Variants in SERPINI1 observed in about 807,000 individuals in gnomAD.
The protein encoded by SERPINI1 is neuroserpin.
In SERPINI1, 19 loss-of-function variants were observed where a neutral mutation model predicts 41.1. The ratio of observed to expected loss-of-function variants is 0.46; its 90% CI spans 0.32 to 0.68. The LOEUF is 0.68. SERPINI1 is among the 30% of genes least tolerant of loss of function. SERPINI1 has a pLI of 0.03. For missense variants in SERPINI1, 460 were observed against 479.2 expected (o/e 0.96, Z 0.37); for synonymous variants, 138 against 156.6 (o/e 0.88, Z 0.89).
At position 167,792,571 on chromosome 3, in the gene SERPINI1, T is replaced by A; in HGVS notation, c.482-19T>A. The A allele has an allele frequency of 6.2e-7, 1 of 1,607,870 alleles. No homozygotes were observed. The highest frequency in any genetic ancestry group is 8.5e-7 in the Non-Finnish European group (1 of 1,175,098). ...CCAGTTTAACATGAATTTTTATCTA[T>A]TCATTTTTTCCTAAATAGATCTGGT... On this transcript the variant is annotated intron_variant, in intron 3 of 8. Transcript: ENST00000446050.
Position 167,789,123 on chromosome 3 carries a change from T to C in SERPINI1, c.-6T>C, listed in dbSNP as rs1182358073. 2 of 1,613,688 alleles carry C rather than the reference T, an allele frequency of 1.2e-6. No individual in the cohort carries two copies. Among genetic ancestry groups the C allele is most frequent in the Non-Finnish European group, 1.7e-6 (2 of 1,179,986 alleles). On this transcript the variant is annotated 5_prime_UTR_variant, in exon 2 of 9. Coordinates refer to ENST00000446050, the MANE Select transcript of SERPINI1 (RefSeq NM_001122752.2). ...TGTTGTTTTTTAGGCTTGAAACTGT[T>C]ACAATATGGCTTTCCTTGGACTCTT...
At chr3:167,818,897 A>T (rs771639128) in intron 6 of SERPINI1, among the ~76,000 whole-genome samples, 2 of 152,200 alleles carry the variant, frequency 1.3e-5, no homozygotes, top group Non-Finnish European at 2.9e-5. Flanking sequence ...TAGTTGGAAT[A>T]TTATGTGGTG....
chr3:167,791,452 CA>C (rs2108557696), intron 3 of SERPINI1, among the ~76,000 whole-genome samples: 1 of 152,042 alleles, frequency 6.6e-6, no homozygotes, highest in African/African-American at 2.4e-5. Context: ...TGAGAGAATA[CA>C]GAGCAAATTT....
intron 1 of SERPINI1, among the ~76,000 whole-genome samples, chr3:167,753,440 ATATAGGAAGCATC>A (rs1359679576): frequency 3.4e-4 from 52 of 152,270 alleles, no homozygotes; most frequent in Admixed American, 3.2e-3. Flanking sequence ...AATAAAGAAA[ATATAGGAAGCATC>A]TAATGTATAG....
intron 1 of SERPINI1, among the ~76,000 whole-genome samples, chr3:167,745,851 A>C (rs1725847466): frequency 6.6e-6 from 1 of 152,140 alleles, no homozygotes; most frequent in Admixed American, 6.5e-5. Context: ...ATTTAACAAA[A>C]ATGCAAGAAT....
intron 1 of SERPINI1, among the ~76,000 whole-genome samples, chr3:167,782,268 C>T (rs1225926151): frequency 6.6e-6 from 1 of 152,068 alleles, no homozygotes; most frequent in Non-Finnish European, 1.5e-5. Context: ...TATTTTGGTA[C>T]CACCTTCTGC....
intron 1 of SERPINI1, among the ~76,000 whole-genome samples, chr3:167,760,562 TGTGTGTGTGTGTGTGTG>T (rs2108539807): frequency 1.1e-3 from 1 of 930 alleles, no homozygotes; most frequent in East Asian, 0.05. Flanking sequence ...GGCTCCAAAT[TGTGTGTGTGTGTGTGTG>T]TGTGTGTGTG....
chr3:167,759,720 G>T (rs745480463), intron 1 of SERPINI1, among the ~76,000 whole-genome samples: 1 of 151,856 alleles, frequency 6.6e-6, no homozygotes, highest in Non-Finnish European at 1.5e-5. Context: ...CAAAAACTCA[G>T]CATCACACAA....
chr3:167,775,066 AATAAC>A (rs963341315), intron 1 of SERPINI1, among the ~76,000 whole-genome samples: 16 of 152,014 alleles, frequency 1.1e-4, no homozygotes, highest in African/African-American at 3.9e-4. Flanking sequence ...ATTATATTAT[AATAAC>A]ATGTTTCCAG....
chr3:167,785,330 A>G (rs1727271071), intron 1 of SERPINI1, among the ~76,000 whole-genome samples: 1 of 152,150 alleles, frequency 6.6e-6, no homozygotes, highest in African/African-American at 2.4e-5. Context: ...TTCATTAATG[A>G]GGATGCTAGG....
chr3:167,806,557 A>G (rs1374138773), intron 5 of SERPINI1, among the ~76,000 whole-genome samples: 2 of 152,132 alleles, frequency 1.3e-5, no homozygotes, highest in South Asian at 2.1e-4. Flanking sequence ...CTCTCCATTG[A>G]TTAATAGTTT....
chr3:167,787,799 G>T (rs1371643385), intron 1 of SERPINI1, among the ~76,000 whole-genome samples: 1 of 152,190 alleles, frequency 6.6e-6, no homozygotes, highest in East Asian at 1.9e-4. Context: ...AAAAACTGTT[G>T]CTTCTAACAT....
At position 167,825,375 on chromosome 3, in the gene SERPINI1, C is replaced by A; in HGVS notation, c.*52C>A. 9.3e-7 allele frequency: 1 copy of A among 1,076,582 alleles called. No individual in the cohort carries two copies. Among genetic ancestry groups the A allele is most frequent in the Non-Finnish European group, 1.5e-6 (1 of 689,460 alleles). The allele number at this position is 1,076,582 out of a possible 1,614,324, so 66.7% of individuals were successfully genotyped here. Reference sequence around the variant, plus strand: ...ACAGTAACTAAGCACATTATGTTTGCAACTGGTATATATTTAGGATTTGTG... The same window carrying A: ...ACAGTAACTAAGCACATTATGTTTGAAACTGGTATATATTTAGGATTTGTG... On this transcript the variant is annotated 3_prime_UTR_variant, in exon 9 of 9. Transcript: ENST00000446050.
intron 1 of SERPINI1, among the ~76,000 whole-genome samples, chr3:167,771,230 G>A (rs1412768235): frequency 1.3e-5 from 2 of 152,074 alleles, no homozygotes; most frequent in Admixed American, 6.5e-5. Flanking sequence ...GAAATTACTT[G>A]TTGTGGCATT....
At chr3:167,801,269 C>T (rs1727890415) in intron 5 of SERPINI1, among the ~76,000 whole-genome samples, 1 of 152,234 alleles carries the variant, frequency 6.6e-6, no homozygotes, top group Admixed American at 6.5e-5. Context: ...AACCTCTACC[C>T]TCCATATGGC....
intron 1 of SERPINI1, among the ~76,000 whole-genome samples, chr3:167,771,422 T>A (rs1006048651): frequency 6.6e-6 from 1 of 152,232 alleles, no homozygotes; most frequent in African/African-American, 2.4e-5. Context: ...TGTATACGAA[T>A]GTATATTATG....
intron 6 of SERPINI1, among the ~76,000 whole-genome samples, chr3:167,820,822 G>A (rs557102887): frequency 1.2e-4 from 19 of 152,222 alleles, no homozygotes; most frequent in Non-Finnish European, 2.6e-4. Context: ...GAGGCCTGGG[G>A]TCCAGGCTGC....
intron 1 of SERPINI1, among the ~76,000 whole-genome samples, chr3:167,752,171 C>T (rs930299775): frequency 1.3e-5 from 2 of 152,150 alleles, no homozygotes; most frequent in African/African-American, 2.4e-5. Flanking sequence ...TAGGGCACCT[C>T]TTCTCCACAC....
At chr3:167,819,751 A>G (rs1445214515) in intron 6 of SERPINI1, among the ~76,000 whole-genome samples, 1 of 152,228 alleles carries the variant, frequency 6.6e-6, no homozygotes, top group African/African-American at 2.4e-5. Flanking sequence ...TTGTGGGTAG[A>G]ACTTGATACT....
Sources: allele counts gnomAD v4.1 joint callset (sites outside exome capture counted in the v4.1 genomes callset), GRCh38; gene constraint gnomAD v4.1.1; transcripts MANE v1.5; gene names NCBI Gene and HGNC (gene_info 2026-07-23, HGNC 2026-07-21).